Variants in ABCD2 observed in about 807,000 individuals in gnomAD.
The protein encoded by ABCD2 is ATP-binding cassette sub-family D member 2.
A neutral mutation model predicts 70.9 loss-of-function variants in ABCD2; 36 were observed. That is an observed-to-expected ratio of 0.51 (90% CI 0.39 to 0.67). The LOEUF is 0.67. Ranked by LOEUF, ABCD2 falls within the 30% of genes least tolerant of loss-of-function variation. The pLI, the probability that ABCD2 is intolerant of heterozygous loss-of-function variation, is 0.00. For synonymous variants in ABCD2, 304 were observed against 306.9 expected, an observed-to-expected ratio of 0.99 and a Z score of 0.10; for missense variants, 729 against 890.2, an observed-to-expected ratio of 0.82 and a Z score of 2.30.
chr12:39,532,869 T>C, the ABCD2 span, among the ~76,000 whole-genome samples: 429 of 151,788 alleles, frequency 2.8e-3, 1 homozygote, highest in Non-Finnish European at 4.3e-3. Flanking sequence ...GGTATGAAAA[T>C]AGAAAAAGTG....
chr12:39,609,964 A>G (rs565865595), intron 2 of ABCD2, among the ~76,000 whole-genome samples: 2 of 152,174 alleles, frequency 1.3e-5, no homozygotes, highest in South Asian at 4.1e-4. Flanking sequence ...AAATTCCTAA[A>G]CAATTATGTA....
Position 39,607,638 on chromosome 12 carries a change from T to C in ABCD2, c.1197A>G (p.Gly399=), listed in dbSNP as rs1378988891. ...FTTARNLLAS[G]ADAIERIMSS... Reference sequence around the variant, plus strand: ...ACATAATCCTTTCAATAGCATCAGCTCCAGAGGCCAGTAAATTTCGAGCAG... The same window carrying C: ...ACATAATCCTTTCAATAGCATCAGCCCCAGAGGCCAGTAAATTTCGAGCAG... The change falls in exon 3 of 10, where the codon GGA becomes GGG. Residue 399 remains glycine, a synonymous_variant. Coordinates refer to ENST00000308666, the MANE Select transcript of ABCD2 (RefSeq NM_005164.4). The C allele has an allele frequency of 1.9e-6, 3 of 1,613,490 alleles. No homozygotes were observed. Among genetic ancestry groups the C allele is most frequent in the Non-Finnish European group, 2.5e-6 (3 of 1,179,784 alleles).
chr12:39,596,582 C>T (rs1439255106), intron 6 of ABCD2, among the ~76,000 whole-genome samples: 1 of 152,022 alleles, frequency 6.6e-6, no homozygotes, highest in African/African-American at 2.4e-5. Flanking sequence ...TTCTCAGACT[C>T]CAAAGTCATG....
At chr12:39,609,787 C>A (rs1942020871) in intron 2 of ABCD2, among the ~76,000 whole-genome samples, 1 of 152,116 alleles carries the variant, frequency 6.6e-6, no homozygotes, top group South Asian at 2.1e-4. Flanking sequence ...ACATAGACAG[C>A]TCAACTTATT....
chr12:39,579,744 A>G (rs1223930087), intron 7 of ABCD2, 125 bp from the exon 8 acceptor site: 1 of 684,820 alleles, frequency 1.5e-6, no homozygotes, highest in Non-Finnish European at 2.4e-6. Context: ...ATTTTATAGG[A>G]TATATGCTTG....
intron 7 of ABCD2, among the ~76,000 whole-genome samples, chr12:39,585,710 T>C (rs1180159024): frequency 6.6e-6 from 1 of 152,164 alleles, no homozygotes; most frequent in Non-Finnish European, 1.5e-5. Flanking sequence ...ACCTGTGTGC[T>C]GCTTGAGAGC....
intron 9 of ABCD2, among the ~76,000 whole-genome samples, chr12:39,565,278 A>T (rs1475655979): frequency 2.0e-5 from 3 of 152,122 alleles, no homozygotes; most frequent in African/African-American, 7.2e-5. Flanking sequence ...ATGTTCTTCC[A>T]TTTGTTTGTA....
intron 9 of ABCD2, among the ~76,000 whole-genome samples, chr12:39,568,927 G>A (rs1941403154): frequency 6.6e-6 from 1 of 152,160 alleles, no homozygotes; most frequent in Admixed American, 6.5e-5. Context: ...CAGCTGTGGA[G>A]GCTGCAGAAC....
chr12:39,609,331 A>G (rs1591997467), intron 2 of ABCD2, among the ~76,000 whole-genome samples: 1 of 152,078 alleles, frequency 6.6e-6, no homozygotes, highest in Non-Finnish European at 1.5e-5. Context: ...CTCCACATCT[A>G]TTTTCTCACC....
chr12:39,610,151 G>A (rs1461425040), intron 2 of ABCD2, among the ~76,000 whole-genome samples: 4 of 152,230 alleles, frequency 2.6e-5, no homozygotes, highest in Non-Finnish European at 4.4e-5. Flanking sequence ...GGAACATGTC[G>A]AGTAATGCTA....
the ABCD2 span, among the ~76,000 whole-genome samples, chr12:39,538,828 G>C: frequency 6.6e-6 from 1 of 152,158 alleles, no homozygotes; most frequent in African/African-American, 2.4e-5. Context: ...AGCTACCCTG[G>C]CTGGAAAACA....
intron 9 of ABCD2, among the ~76,000 whole-genome samples, chr12:39,572,554 C>T (rs1200023220): frequency 2.2e-4 from 33 of 152,028 alleles, no homozygotes; most frequent in Non-Finnish European, 1.5e-5. Context: ...ATTATCTTTT[C>T]AATATAAATG....
chr12:39,586,298 C>T lies in ABCD2; in HGVS notation c.1647-1G>A. 6.2e-7 allele frequency: 1 copy of T among 1,607,222 alleles called. No individual in the cohort carries two copies. Among genetic ancestry groups the T allele is most frequent in the Non-Finnish European group, 8.5e-7 (1 of 1,177,450 alleles). On this transcript the variant is annotated splice_acceptor_variant, in intron 6 of 9. Transcript: ENST00000308666. LOFTEE classifies it high-confidence loss of function. ...AAGACTTCCAAGAGACATATATGGC[C>T]TTTAAAACACCAAGCACACAAGAAT...
chr12:39,576,888 T>C (rs1719288611), intron 8 of ABCD2, among the ~76,000 whole-genome samples: 1 of 152,308 alleles, frequency 6.6e-6, no homozygotes, highest in South Asian at 2.1e-4. Flanking sequence ...AAAATATGTG[T>C]ATTTAGTATA....
chr12:39,546,290 T>C (rs201987428), downstream of ABCD2, among the ~76,000 whole-genome samples: 3 of 69,986 alleles, frequency 4.3e-5, no homozygotes, highest in South Asian at 2.1e-3. Context: ...TTCATTCACA[T>C]TTTTTATTTT....
In ABCD2 at chr12:39,554,089, A is replaced by G; in HGVS notation, c.2046T>C (p.Gly682=). The change falls in exon 10 of 10, where the codon GGT becomes GGC. Residue 682 remains glycine, a synonymous_variant. Coordinates refer to ENST00000308666, the MANE Select transcript of ABCD2 (RefSeq NM_005164.4). ...THLLQFDGEG[G]WRFEQLDTAI... ...CAGTATCCAATTGTTCAAAGCGCCA[A>G]CCTCCTTCACCATCAAACTGTAATA... 1.2e-6 allele frequency: 2 copies of G among 1,613,502 alleles called. No individual in the cohort carries two copies. Among genetic ancestry groups the G allele is most frequent in the Non-Finnish European group, 1.7e-6 (2 of 1,179,744 alleles).
intron 6 of ABCD2, among the ~76,000 whole-genome samples, chr12:39,594,719 A>G (rs560243551): frequency 4.6e-4 from 70 of 152,316 alleles, no homozygotes; most frequent in Non-Finnish European, 8.8e-4. Context: ...CACGTGTTTA[A>G]TCCCAGCACT....
At chr12:39,531,410 G>T in the ABCD2 span, among the ~76,000 whole-genome samples, 4 of 152,180 alleles carry the variant, frequency 2.6e-5, no homozygotes, top group African/African-American at 9.7e-5. Flanking sequence ...AAGGAGGCTT[G>T]AGGGAACTTG....
At chr12:39,535,577 TA>T in the ABCD2 span, among the ~76,000 whole-genome samples, 1 of 152,206 alleles carries the variant, frequency 6.6e-6, no homozygotes, top group African/African-American at 2.4e-5. Context: ...CATATTCAAT[TA>T]AAAATGTATA....
Sources: gnomAD v4.1 joint callset for allele counts (sites outside exome capture counted in the v4.1 genomes callset) on GRCh38, gnomAD v4.1.1 for gene constraint, MANE v1.5 for transcripts, NCBI Gene and HGNC (gene_info 2026-07-23, HGNC 2026-07-21) for gene names.